Variants in SIM1 observed in about 807,000 individuals in gnomAD.
SIM1 encodes the protein SIM bHLH transcription factor 1.
A neutral mutation model predicts 78.2 loss-of-function variants in SIM1; 18 were observed. The observed-to-expected ratio is 0.23, with a 90% confidence interval of 0.16 to 0.34. The LOEUF is 0.34. Among genes scored for constraint, SIM1 ranks in the 10% least tolerant of loss-of-function variants. The probability of loss-of-function intolerance (pLI) is 1.00; values close to 1 mark genes in which losing one functional copy is unlikely to be tolerated. For synonymous variants in SIM1, 417 were observed against 385.2 expected (o/e 1.08, Z -0.97); for missense variants, 939 against 975.1 (o/e 0.96, Z 0.49).
chr6:100,409,320 G>C (rs1019550211), intron 10 of SIM1, among the ~76,000 whole-genome samples: 2 of 152,022 alleles, frequency 1.3e-5, no homozygotes, highest in Non-Finnish European at 2.9e-5. Flanking sequence ...TATCCAATTT[G>C]TTAGCATATA....
intron 9 of SIM1, among the ~76,000 whole-genome samples, chr6:100,430,925 T>C (rs1216580324): frequency 6.6e-6 from 1 of 152,072 alleles, no homozygotes; most frequent in Non-Finnish European, 1.5e-5. Flanking sequence ...AATAATAAAA[T>C]AATTTTCCAC....
chr6:100,450,696 T>TCTCTCTCTCTCTCTCTCTCTCTCTCACA (rs1421452803), intron 3 of SIM1, among the ~76,000 whole-genome samples: 1 of 91,878 alleles, frequency 1.1e-5, no homozygotes, highest in African/African-American at 3.9e-5. Context: ...TCTCTCTCTC[T>TCTCTCTCTCTCTCTCTCTCTCTCTCACA]CACACACACA....
intron 2 of SIM1, among the ~76,000 whole-genome samples, chr6:100,461,610 C>T (rs1213814464): frequency 6.6e-6 from 1 of 152,234 alleles, no homozygotes; most frequent in Non-Finnish European, 1.5e-5. Context: ...TGACAAATCA[C>T]TGCTAATAAT....
intron 10 of SIM1, among the ~76,000 whole-genome samples, chr6:100,399,559 A>G (rs1770856851): frequency 6.6e-6 from 1 of 152,138 alleles, no homozygotes; most frequent in South Asian, 2.1e-4. Context: ...ACATTGTACT[A>G]CAGCTCTGCA....
In SIM1 at chr6:100,391,910, C is replaced by A. The variant is rs181043534; in HGVS notation, c.1571-819G>T. Reference sequence around the variant, plus strand: ...GAATAAGGCCGGGCATGGTGGCTCACACCTGTAATCCCAGCACTTTGGGAG... The same window carrying A: ...GAATAAGGCCGGGCATGGTGGCTCAAACCTGTAATCCCAGCACTTTGGGAG... On this transcript the variant is annotated intron_variant, in intron 11 of 11. Transcript: ENST00000369208. Among the ~76,000 whole-genome samples, 477 of 152,294 alleles carry A rather than the reference C, an allele frequency of 3.1e-3. 6 individuals are homozygous for A. Among genetic ancestry groups the A allele is most frequent in the African/African-American group, 0.011 (453 of 41,572 alleles).
chr6:100,450,243 G>A lies in SIM1; in HGVS notation c.348+24C>T, dbSNP rs72939629. 3.0e-4 allele frequency: 475 copies of A among 1,590,356 alleles called. 1 individual carries two copies. The highest frequency in any genetic ancestry group is 2.4e-3 in the African/African-American group (182 of 74,572). On this transcript the variant is annotated intron_variant, in intron 4 of 11. Transcript: ENST00000369208. ...AGCTCTGGCTGTAAACACTGCAGGT[G>A]GGATATGTGAACCACTCACCTACCT... is the stretch of plus-strand genomic sequence containing the variant.
At chr6:100,405,571 T>C (rs1307385778) in intron 10 of SIM1, among the ~76,000 whole-genome samples, 2 of 152,188 alleles carry the variant, frequency 1.3e-5, no homozygotes, top group Non-Finnish European at 2.9e-5. Context: ...TTACCTTTTA[T>C]CCATATTTTA....
intron 9 of SIM1, among the ~76,000 whole-genome samples, chr6:100,443,638 A>G (rs1772273780): frequency 6.6e-6 from 1 of 151,880 alleles, no homozygotes; most frequent in Non-Finnish European, 1.5e-5. Context: ...GGCACCAGTA[A>G]ACTAGCTCTC....
intron 10 of SIM1, among the ~76,000 whole-genome samples, chr6:100,411,319 A>G (rs1204027287): frequency 6.6e-6 from 1 of 152,214 alleles, no homozygotes; most frequent in Non-Finnish European, 1.5e-5. Context: ...GGACATGAAG[A>G]CTAGAAAGCC....
intron 9 of SIM1, among the ~76,000 whole-genome samples, chr6:100,436,147 T>C (rs887051845): frequency 2.6e-5 from 4 of 152,290 alleles, no homozygotes; most frequent in Non-Finnish European, 5.9e-5. Context: ...CCAAGGTGCT[T>C]TAGGCCCTCT....
chr6:100,404,335 G>A (rs1002051464), intron 10 of SIM1, among the ~76,000 whole-genome samples: 1 of 152,040 alleles, frequency 6.6e-6, no homozygotes, highest in Non-Finnish European at 1.5e-5. Flanking sequence ...TTTTATTCTG[G>A]CAGCTCATTG....
rs1772019853 is a variant in SIM1 at position 100,435,473 on chromosome 6, G to T, written c.998+11795C>A. On this transcript the variant is annotated intron_variant, in intron 9 of 11. Coordinates refer to ENST00000369208, the MANE Select transcript of SIM1 (RefSeq NM_005068.3). ...TTGGCTGAGTCACTTAGCTTCTCTG[G>T]CCTCTCACACAAAGCAGCCGCCCTT... is the stretch of plus-strand genomic sequence containing the variant. 2.0e-5 allele frequency among the ~76,000 whole-genome samples: 3 copies of T among 152,078 alleles called. No individual in the cohort carries two copies. In the South Asian group the frequency reaches 6.2e-4, roughly 32 times the overall value.
chr6:100,402,973 T>C (rs1727382662), intron 10 of SIM1, among the ~76,000 whole-genome samples: 1 of 152,200 alleles, frequency 6.6e-6, no homozygotes, highest in African/African-American at 2.4e-5. Context: ...CTCTTATACT[T>C]AAAGCTGAGA....
chr6:100,440,525 T>C (rs778873643), intron 9 of SIM1, among the ~76,000 whole-genome samples: 16 of 152,170 alleles, frequency 1.1e-4, no homozygotes, highest in Admixed American at 5.9e-4. Flanking sequence ...GGAGGAGCCC[T>C]CTTCCCGGCC....
chr6:100,407,444 AT>A (rs938911957), intron 10 of SIM1, among the ~76,000 whole-genome samples: 9 of 151,620 alleles, frequency 5.9e-5, no homozygotes, highest in East Asian at 3.9e-4. Flanking sequence ...CAACATACTG[AT>A]TTTTTTTTCC....
intron 2 of SIM1, among the ~76,000 whole-genome samples, chr6:100,456,531 T>C (rs533554735): frequency 1.3e-5 from 2 of 152,370 alleles, no homozygotes; most frequent in South Asian, 4.1e-4. Context: ...AGGAGCTCTG[T>C]GAGGGAGGCG....
At position 100,385,303 on chromosome 6, in the gene SIM1, T is replaced by C. The variant is rs999877547; in HGVS notation, c.*5058A>G. On this transcript the variant is annotated 3_prime_UTR_variant, in exon 12 of 12. Coordinates refer to ENST00000369208, the MANE Select transcript of SIM1 (RefSeq NM_005068.3). ...TTTCTCACAAATATAATCCTTTTTA[T>C]AGCACATTAGTCAAAAAACAAATGT... 8 of 152,078 alleles carry C rather than the reference T, an allele frequency of 5.3e-5. No individual in the cohort carries two copies. Among genetic ancestry groups the C allele is most frequent in the Admixed American group, 2.0e-4 (3 of 15,266 alleles). The allele number at this position is 152,078 out of a possible 1,614,324, so 9.4% of individuals were successfully genotyped here. A position where few individuals can be genotyped will look rare whatever the true frequency, so the allele number is the denominator to read the frequency against.
rs1003283279 is a variant in SIM1 at position 100,388,166 on chromosome 6, T to C, written c.*2195A>G. 1.4e-4 allele frequency: 21 copies of C among 152,168 alleles called. 1 individual carries two copies. The highest frequency in any genetic ancestry group is 1.2e-3 in the Admixed American group (18 of 15,266). 9.4% of individuals were successfully genotyped at this position (152,168 alleles called of 1,614,324 possible). A position where few individuals can be genotyped will look rare whatever the true frequency, so the allele number is the denominator to read the frequency against. ...CTTTTTTGTATAATTCAAAACTTAG[T>C]TTTTATTGTATGGTCACCCCTTGGT... is the stretch of plus-strand genomic sequence containing the variant. On this transcript the variant is annotated 3_prime_UTR_variant, in exon 12 of 12. Transcript: ENST00000369208.
chr6:100,451,786 T>C (rs1044020954), intron 3 of SIM1, among the ~76,000 whole-genome samples: 1 of 152,178 alleles, frequency 6.6e-6, no homozygotes, highest in Non-Finnish European at 1.5e-5. Context: ...CAAGATTTAG[T>C]GTGATTTTGT....
Sources: allele counts gnomAD v4.1 joint callset (sites outside exome capture counted in the v4.1 genomes callset), GRCh38; gene constraint gnomAD v4.1.1; transcripts MANE v1.5; gene names NCBI Gene and HGNC (gene_info 2026-07-23, HGNC 2026-07-21).